Variants in RABGEF1 observed in about 807,000 individuals in gnomAD.
RABGEF1 encodes the protein RAB guanine nucleotide exchange factor 1.
A neutral mutation model predicts 57.3 loss-of-function variants in RABGEF1; 26 were observed. The ratio of observed to expected loss-of-function variants is 0.45; its 90% CI spans 0.33 to 0.63. RABGEF1 has a LOEUF of 0.63. Ranked by LOEUF, RABGEF1 falls within the 20% of genes least tolerant of loss-of-function variation. RABGEF1 has a pLI of 0.02. For missense variants in RABGEF1, 464 were observed against 607.6 expected, an observed-to-expected ratio of 0.76 and a Z score of 2.48; for synonymous variants, 185 against 210.7, an observed-to-expected ratio of 0.88 and a Z score of 1.06.
At chr7:66,756,180 G>A (rs1051727066) in intron 1 of RABGEF1, 2 of 661,482 alleles carry the variant, frequency 3.0e-6, no homozygotes, top group Non-Finnish European at 4.8e-6. Context: ...AAATATACTA[G>A]TGCTAATAAA....
At chr7:66,672,196 G>A in the RABGEF1 span, among the ~76,000 whole-genome samples, 2 of 151,684 alleles carry the variant, frequency 1.3e-5, no homozygotes, top group East Asian at 1.9e-4. Context: ...GCCGAGGCAG[G>A]CGGATCACAA....
At chr7:66,666,601 G>A in the RABGEF1 span, among the ~76,000 whole-genome samples, 1 of 152,234 alleles carries the variant, frequency 6.6e-6, no homozygotes, top group Non-Finnish European at 1.5e-5. Flanking sequence ...TCTGAGGCAA[G>A]TAGGGGCAGA....
At chr7:66,680,861 C>T (rs145322674), upstream of RABGEF1, among the ~76,000 whole-genome samples, 1,109 of 152,200 alleles carry the variant, frequency 7.3e-3, 15 homozygotes, top group African/African-American at 0.024. Flanking sequence ...GCGGGCGGAT[C>T]ACTTGAGGTC....
At position 66,809,125 on chromosome 7, in the gene RABGEF1, A is replaced by G. The variant is rs764125936; in HGVS notation, c.1317A>G (p.Ile439Met). 2 of 1,614,214 alleles carry G rather than the reference A, an allele frequency of 1.2e-6. No homozygotes were observed. The highest frequency in any genetic ancestry group is 2.2e-5 in the South Asian group (2 of 91,084). The change falls in exon 9 of 9, where the codon ATA becomes ATG. Residue 439 changes from isoleucine to methionine, a missense_variant. Around this residue, in one of 4 missense-constraint regions of RABGEF1, gnomAD observed 151 missense variants for 152.2 expected, o/e 0.99. Transcript: ENST00000284957. ...NEAKKLEKDL[I>M]DWTDGIAREV... is the part of the protein sequence containing the mutation. ...CCAAGAAACTGGAAAAAGACCTCAT[A>G]GATTGGACAGATGGAATTGCAAGAG...
intron 1 of RABGEF1, among the ~76,000 whole-genome samples, chr7:66,692,876 CCTA>C (rs1791735342): frequency 6.6e-6 from 1 of 152,196 alleles, no homozygotes; most frequent in African/African-American, 2.4e-5. Context: ...GCTCCTGGCA[CCTA>C]CATCCTGGCT....
chr7:66,761,781 G>A (rs1157388982), intron 1 of RABGEF1, among the ~76,000 whole-genome samples: 1 of 152,166 alleles, frequency 6.6e-6, no homozygotes, highest in Non-Finnish European at 1.5e-5. Context: ...GGTGGGCGTG[G>A]TGTCTCATGC....
At chr7:66,716,480 A>G (rs1178155831) in intron 2 of RABGEF1, among the ~76,000 whole-genome samples, 1 of 152,160 alleles carries the variant, frequency 6.6e-6, no homozygotes, top group Non-Finnish European at 1.5e-5. Context: ...ATGTGCCTGT[A>G]GTCCTAGCTA....
At chr7:66,687,957 T>C (rs1584641678) in intron 1 of RABGEF1, among the ~76,000 whole-genome samples, 1 of 152,020 alleles carries the variant, frequency 6.6e-6, no homozygotes, top group South Asian at 2.1e-4. Context: ...TGGTGGTGCA[T>C]GCCTGTAATC....
the RABGEF1 span, among the ~76,000 whole-genome samples, chr7:66,655,599 G>T: frequency 6.6e-6 from 1 of 152,106 alleles, no homozygotes; most frequent in Non-Finnish European, 1.5e-5. Context: ...CAAACTCCTG[G>T]CCTTAAGCGA....
intron 1 of RABGEF1, among the ~76,000 whole-genome samples, chr7:66,685,006 T>C (rs1407048431): frequency 2.0e-5 from 3 of 151,974 alleles, no homozygotes; most frequent in Non-Finnish European, 4.4e-5. Context: ...CTCAAGTGAT[T>C]CTCTAGCCTT....
intron 1 of RABGEF1, among the ~76,000 whole-genome samples, chr7:66,761,965 C>T (rs1394354459): frequency 6.6e-6 from 1 of 151,986 alleles, no homozygotes; most frequent in African/African-American, 2.4e-5. Flanking sequence ...GCAGGAGAAT[C>T]ACTTGAACCC....
At chr7:66,790,423 G>C (rs895934017) in intron 4 of RABGEF1, among the ~76,000 whole-genome samples, 7 of 152,142 alleles carry the variant, frequency 4.6e-5, no homozygotes, top group African/African-American at 1.7e-4. Flanking sequence ...TGAAAACCCA[G>C]CGTGAAAACC....
chr7:66,680,679 G>T (rs1257729562), upstream of RABGEF1, among the ~76,000 whole-genome samples: 1 of 151,618 alleles, frequency 6.6e-6, no homozygotes, highest in African/African-American at 2.4e-5. Flanking sequence ...GGGCGCGGTG[G>T]CTCACGCCTG....
chr7:66,681,857 C>T (rs887702212), upstream of RABGEF1, among the ~76,000 whole-genome samples: 1 of 152,158 alleles, frequency 6.6e-6, no homozygotes, highest in African/African-American at 2.4e-5. Flanking sequence ...CCGGCGTCGC[C>T]CTCCCGCTGC....
At chr7:66,761,636 A>T (rs1804381435) in intron 1 of RABGEF1, among the ~76,000 whole-genome samples, 1 of 152,118 alleles carries the variant, frequency 6.6e-6, no homozygotes, top group South Asian at 2.1e-4. Flanking sequence ...CAGAGTACAG[A>T]GCTGGACCCT....
At chr7:66,698,745 T>C (rs1792739456) in intron 1 of RABGEF1, among the ~76,000 whole-genome samples, 1 of 152,150 alleles carries the variant, frequency 6.6e-6, no homozygotes, top group Non-Finnish European at 1.5e-5. Context: ...TCTCTGAGTC[T>C]CAGTGTGGGT....
chr7:66,723,456 C>T (rs1296936238), intron 2 of RABGEF1, among the ~76,000 whole-genome samples: 5 of 152,208 alleles, frequency 3.3e-5, no homozygotes, highest in South Asian at 2.1e-4. Flanking sequence ...CTTTACAACA[C>T]CATACTTTCA....
the RABGEF1 span, among the ~76,000 whole-genome samples, chr7:66,655,705 G>A: frequency 2.7e-5 from 4 of 149,794 alleles, no homozygotes; most frequent in Non-Finnish European, 6.0e-5. Flanking sequence ...TAAAATTGTT[G>A]TACCAAGAAA....
At chr7:66,738,045 G>A (rs1291949972), upstream of RABGEF1, among the ~76,000 whole-genome samples, 1 of 146,254 alleles carries the variant, frequency 6.8e-6, no homozygotes, top group Admixed American at 6.8e-5. Flanking sequence ...TTTTGAGACA[G>A]GGTCTTGCTC....
Sources: gnomAD v4.1 joint callset for allele counts (sites outside exome capture counted in the v4.1 genomes callset) on GRCh38, gnomAD v4.1.1 for gene constraint, gnomAD v4.1.1 regional missense constraint, MANE v1.5 for transcripts, NCBI Gene and HGNC (gene_info 2026-07-23, HGNC 2026-07-21) for gene names.